Variants in DDX10 observed in about 807,000 individuals in gnomAD.
DDX10 encodes DEAD-box helicase 10.
A neutral mutation model predicts 104.3 loss-of-function variants in DDX10; 74 were observed. That is an observed-to-expected ratio of 0.71 (90% CI 0.59 to 0.86). The LOEUF is 0.86. Among genes scored for constraint, DDX10 ranks in the 40% least tolerant of loss-of-function variants. The pLI, the probability that DDX10 is intolerant of heterozygous loss-of-function variation, is 0.00. For missense variants in DDX10, 952 were observed against 1,040.0 expected, an observed-to-expected ratio of 0.92 and a Z score of 1.16; for synonymous variants, 351 against 353.4, an observed-to-expected ratio of 0.99 and a Z score of 0.08.
intron 12 of DDX10, among the ~76,000 whole-genome samples, chr11:108,722,790 A>G (rs1043828998): frequency 5.9e-5 from 9 of 152,212 alleles, no homozygotes; most frequent in African/African-American, 1.7e-4. Flanking sequence ...AAGAAAAAAT[A>G]GTGTCTAAAA....
intron 13 of DDX10, among the ~76,000 whole-genome samples, chr11:108,732,362 T>G (rs1423515473): frequency 6.6e-6 from 1 of 152,232 alleles, no homozygotes; most frequent in Non-Finnish European, 1.5e-5. Context: ...TTTCTTTCTC[T>G]GCTGTCGTGC....
At chr11:108,931,134 A>T (rs1863971177) in intron 17 of DDX10, among the ~76,000 whole-genome samples, 1 of 152,082 alleles carries the variant, frequency 6.6e-6, no homozygotes, top group Admixed American at 6.6e-5. Flanking sequence ...GCTGAGCAAG[A>T]CCGTATCTCA....
chr11:108,820,115 T>C (rs1318033362), intron 13 of DDX10, among the ~76,000 whole-genome samples: 4 of 152,328 alleles, frequency 2.6e-5, no homozygotes, highest in Admixed American at 6.5e-5. Flanking sequence ...AATTATTTCA[T>C]CATCTGTAAA....
intron 13 of DDX10, among the ~76,000 whole-genome samples, chr11:108,787,348 C>T (rs73009341): frequency 0.018 from 2,774 of 152,012 alleles, 40 homozygotes; most frequent in Non-Finnish European, 0.032. Flanking sequence ...TATAGTATCT[C>T]GCGTGGGTTC....
At chr11:108,874,899 T>C (rs1863131563) in intron 16 of DDX10, among the ~76,000 whole-genome samples, 1 of 152,168 alleles carries the variant, frequency 6.6e-6, no homozygotes, top group African/African-American at 2.4e-5. Context: ...GGCTCTGGAA[T>C]CAGAATGTCT....
At chr11:108,665,487 C>G (rs1230773225) in intron 1 of DDX10, 148 bp downstream of exon 1, 1 of 866,980 alleles carries the variant, frequency 1.2e-6, no homozygotes, top group African/African-American at 1.7e-5. Context: ...CAGCTCAAAC[C>G]TCTGCACCGT....
At chr11:108,693,229 A>T (rs1420241076) in intron 8 of DDX10, among the ~76,000 whole-genome samples, 3 of 152,160 alleles carry the variant, frequency 2.0e-5, no homozygotes, top group Non-Finnish European at 4.4e-5. Context: ...GTTATTAAAT[A>T]TTAGGGTATT....
At chr11:108,860,153 G>T (rs1363283297) in intron 16 of DDX10, among the ~76,000 whole-genome samples, 1 of 152,080 alleles carries the variant, frequency 6.6e-6, no homozygotes, top group African/African-American at 2.4e-5. Flanking sequence ...ATCTGTGTGG[G>T]TTTTCCATGT....
At chr11:108,695,307 C>A (rs1298132068) in intron 9 of DDX10, among the ~76,000 whole-genome samples, 2 of 152,208 alleles carry the variant, frequency 1.3e-5, no homozygotes, top group Non-Finnish European at 2.9e-5. Flanking sequence ...TTTTCTTTCT[C>A]ATCAAAACTG....
At chr11:108,749,241 A>T (rs1461995270) in intron 13 of DDX10, among the ~76,000 whole-genome samples, 1 of 152,132 alleles carries the variant, frequency 6.6e-6, no homozygotes, top group South Asian at 2.1e-4. Flanking sequence ...TTTGAAGGCT[A>T]GAGTGGTGAT....
At chr11:108,934,033 A>G (rs1864007104) in intron 17 of DDX10, among the ~76,000 whole-genome samples, 2 of 152,212 alleles carry the variant, frequency 1.3e-5, no homozygotes, top group South Asian at 4.1e-4. Context: ...AAGGCATTTC[A>G]GATGGTGTGA....
At chr11:108,830,634 G>C (rs935642746) in intron 13 of DDX10, among the ~76,000 whole-genome samples, 3 of 152,012 alleles carry the variant, frequency 2.0e-5, no homozygotes, top group South Asian at 2.1e-4. Context: ...CAGTTCTCAG[G>C]GGGGGAATGC....
intron 13 of DDX10, among the ~76,000 whole-genome samples, chr11:108,778,531 AC>A (rs1218161608): frequency 1.3e-5 from 2 of 152,196 alleles, no homozygotes; most frequent in African/African-American, 4.8e-5. Flanking sequence ...TACACCTTAT[AC>A]AAAAATTAAT....
chr11:108,810,149 T>C (rs77660968), intron 13 of DDX10, among the ~76,000 whole-genome samples: 6,164 of 152,214 alleles, frequency 0.04, 343 homozygotes, highest in African/African-American at 0.12. Context: ...ACAAGTATAA[T>C]ATAATAAGTG....
intron 16 of DDX10, among the ~76,000 whole-genome samples, chr11:108,897,167 G>A (rs983857251): frequency 3.3e-5 from 5 of 152,110 alleles, no homozygotes; most frequent in East Asian, 1.9e-4. Context: ...CCAAAGAGGC[G>A]GAAAGCAGGC....
At position 108,925,028 on chromosome 11, in the gene DDX10, G is replaced by A. The variant is rs60496699; in HGVS notation, c.2450+7010G>A. 3.3e-3 allele frequency among the ~76,000 whole-genome samples: 504 copies of A among 152,306 alleles called. 24 individuals are homozygous for A. In the East Asian group the frequency reaches 0.085, roughly 26 times the overall value. On this transcript the variant is annotated intron_variant, in intron 17 of 17. Coordinates refer to ENST00000322536, the MANE Select transcript of DDX10 (RefSeq NM_004398.4). ...CCTCTTACTCTTTTCAGCTTCAGGA[G>A]TATATGCCCCCTTCCCATATGCCAA...
chr11:108,726,947 G>A (rs559697437), intron 13 of DDX10, among the ~76,000 whole-genome samples: 4 of 152,042 alleles, frequency 2.6e-5, no homozygotes, highest in South Asian at 2.1e-4. Flanking sequence ...AGGTGATGAC[G>A]TGGTGGTTTT....
chr11:108,799,071 A>G (rs1480718952), intron 13 of DDX10, among the ~76,000 whole-genome samples: 1 of 152,144 alleles, frequency 6.6e-6, no homozygotes, highest in Non-Finnish European at 1.5e-5. Flanking sequence ...TTATTTTTCT[A>G]TTTACTGAGT....
At chr11:108,897,417 T>G (rs1466060426) in intron 16 of DDX10, among the ~76,000 whole-genome samples, 1 of 152,174 alleles carries the variant, frequency 6.6e-6, no homozygotes. Context: ...AACAAATGGG[T>G]ACCCAAAAAG....
Sources: gnomAD v4.1 joint callset for allele counts (sites outside exome capture counted in the v4.1 genomes callset) on GRCh38, gnomAD v4.1.1 for gene constraint, MANE v1.5 for transcripts, NCBI Gene and HGNC (gene_info 2026-07-23, HGNC 2026-07-21) for gene names.